The following PACRG variants were observed in gnomAD, a reference collection of about 807,000 sequenced individuals.
PACRG encodes parkin coregulated gene protein.
PACRG carries 29 observed loss-of-function variants against 29.7 expected under a neutral mutation model. That is an observed-to-expected ratio of 0.98 (90% CI 0.73 to 1.33). The LOEUF (loss-of-function observed/expected upper bound fraction) is 1.33, where lower values mean the gene tolerates loss of function less well. Among genes scored for constraint, PACRG ranks in the 40% most tolerant of loss-of-function variants. PACRG has a pLI of 0.00. For missense variants in PACRG, 279 were observed against 316.2 expected (o/e 0.88, Z 0.89); for synonymous variants, 116 against 118.7 (o/e 0.98, Z 0.15).
intron 1 of PACRG, among the ~76,000 whole-genome samples, chr6:162,761,774 T>C (rs1399524884): frequency 6.6e-6 from 1 of 151,628 alleles, no homozygotes. Flanking sequence ...CCGTCTCTAC[T>C]AAAAGTGCAA....
chr6:162,790,212 T>C (rs1784826211), intron 1 of PACRG, among the ~76,000 whole-genome samples: 1 of 152,192 alleles, frequency 6.6e-6, no homozygotes, highest in Non-Finnish European at 1.5e-5. Context: ...GAATGCAGCG[T>C]GGCTGGATTG....
intron 4 of PACRG, among the ~76,000 whole-genome samples, chr6:163,192,427 G>A (rs183715596): frequency 3.0e-4 from 45 of 152,222 alleles, no homozygotes; most frequent in Admixed American, 3.9e-4. Flanking sequence ...ATGTGGGCTC[G>A]GGGACAAGCT....
At chr6:162,965,386 C>CG (rs1177628935) in intron 2 of PACRG, among the ~76,000 whole-genome samples, 4 of 152,156 alleles carry the variant, frequency 2.6e-5, no homozygotes, top group Non-Finnish European at 4.4e-5. Context: ...TTTCTCATAG[C>CG]TCAGGATCTG....
In PACRG at chr6:163,089,131, A is replaced by G. The variant is rs1813863456; in HGVS notation, c.464-128A>G. On this transcript the variant is annotated intron_variant, in intron 3 of 4. Transcript: ENST00000366888. ...TGTGTCATCCAAAGCTATAATAATA[A>G]AGGCCCATTGGTCCCCAGTAGAGCA... 4 of 854,798 alleles carry G rather than the reference A, an allele frequency of 4.7e-6. No homozygotes were observed. In the South Asian group the frequency reaches 7.4e-5, roughly 16 times the overall value. 53.0% of individuals were successfully genotyped at this position (854,798 alleles called of 1,614,324 possible). A position where few individuals can be genotyped will look rare whatever the true frequency, so the allele number is the denominator to read the frequency against.
intron 4 of PACRG, chr6:163,101,466 C>T (rs1815081738): frequency 2.2e-6 from 2 of 902,244 alleles, no homozygotes; most frequent in African/African-American, 3.6e-5. Context: ...AATCACCTAA[C>T]CAAATGTCTT....
At chr6:163,039,656 C>A (rs1432271027) in intron 2 of PACRG, among the ~76,000 whole-genome samples, 1 of 152,214 alleles carries the variant, frequency 6.6e-6, no homozygotes, top group Non-Finnish European at 1.5e-5. Context: ...AGCAGAGAGA[C>A]TGGCAGCATT....
intron 2 of PACRG, among the ~76,000 whole-genome samples, chr6:163,022,814 AC>A (rs530616879): frequency 2.5e-3 from 376 of 152,338 alleles, no homozygotes; most frequent in Non-Finnish European, 3.7e-3. Context: ...TAATATGTTA[AC>A]ATTGAATTGG....
At chr6:163,220,446 T>C (rs758002206) in intron 4 of PACRG, among the ~76,000 whole-genome samples, 4 of 152,008 alleles carry the variant, frequency 2.6e-5, no homozygotes, top group Non-Finnish European at 5.9e-5. Flanking sequence ...TCTCTCTCCA[T>C]AGTAGACCTG....
chr6:163,179,337 G>A (rs1349655461), intron 4 of PACRG: 1 of 433,882 alleles, frequency 2.3e-6, no homozygotes, highest in South Asian at 1.6e-5. Context: ...CCCAAGACGA[G>A]GCACAGAATT....
intron 4 of PACRG, among the ~76,000 whole-genome samples, chr6:163,238,890 C>T (rs1353353580): frequency 6.6e-6 from 1 of 152,054 alleles, no homozygotes; most frequent in African/African-American, 2.4e-5. Flanking sequence ...TGAGTTAATC[C>T]ATCTCATGCT....
intron 2 of PACRG, among the ~76,000 whole-genome samples, chr6:162,886,731 G>A (rs560276249): frequency 5.9e-5 from 9 of 152,140 alleles, no homozygotes; most frequent in Non-Finnish European, 1.0e-4. Context: ...AAATCTAGAG[G>A]AGAGTGTGTC....
intron 2 of PACRG, among the ~76,000 whole-genome samples, chr6:162,921,673 A>G (rs1447463872): frequency 6.6e-6 from 1 of 152,176 alleles, no homozygotes; most frequent in Non-Finnish European, 1.5e-5. Context: ...GTTGACATGT[A>G]ATAATTGTAT....
chr6:162,970,675 C>T (rs1305572642), intron 2 of PACRG, among the ~76,000 whole-genome samples: 3 of 152,202 alleles, frequency 2.0e-5, no homozygotes, highest in Admixed American at 6.5e-5. Flanking sequence ...TGTATCTTCA[C>T]AGCCCTTTAT....
At chr6:162,914,484 G>A (rs541496201) in intron 2 of PACRG, among the ~76,000 whole-genome samples, 31 of 145,058 alleles carry the variant, frequency 2.1e-4, no homozygotes, top group African/African-American at 7.6e-4. Context: ...GCGTACATAA[G>A]GTCTCAAAGT....
chr6:163,179,297 A>G (rs907930549), intron 4 of PACRG: 2 of 453,516 alleles, frequency 4.4e-6, no homozygotes, highest in Non-Finnish European at 8.8e-6. Flanking sequence ...CTTCCTTCCC[A>G]CCACACCTGC....
At chr6:163,045,847 C>T (rs1161379876) in intron 2 of PACRG, among the ~76,000 whole-genome samples, 3 of 151,972 alleles carry the variant, frequency 2.0e-5, no homozygotes, top group Admixed American at 6.6e-5. Flanking sequence ...ATCTCTTGAC[C>T]TCATGATCCA....
At chr6:163,099,696 A>C (rs1027806170) in intron 4 of PACRG, among the ~76,000 whole-genome samples, 4 of 152,174 alleles carry the variant, frequency 2.6e-5, no homozygotes, top group Admixed American at 2.6e-4. Flanking sequence ...AATGTCACCA[A>C]GTGTAATTGT....
At chr6:162,919,984 T>C (rs1226618130) in intron 2 of PACRG, among the ~76,000 whole-genome samples, 3 of 152,276 alleles carry the variant, frequency 2.0e-5, no homozygotes, top group Admixed American at 6.5e-5. Context: ...GCACAGTAGG[T>C]CCACTGACCC....
chr6:162,901,863 AT>A (rs1397908500), intron 2 of PACRG, among the ~76,000 whole-genome samples: 1 of 152,252 alleles, frequency 6.6e-6, no homozygotes, highest in Non-Finnish European at 1.5e-5. Flanking sequence ...CACCAAAAAA[AT>A]ATTTGCCACA....
Sources: allele counts gnomAD v4.1 joint callset (sites outside exome capture counted in the v4.1 genomes callset), GRCh38; gene constraint gnomAD v4.1.1; transcripts MANE v1.5; gene names NCBI Gene and HGNC (gene_info 2026-07-23, HGNC 2026-07-21).